CMKLR1: variants seen among roughly 807,000 people sequenced by gnomAD.
The protein encoded by CMKLR1 is chemerin-like receptor 1.
CMKLR1 carries 6 observed loss-of-function variants against 8.2 expected under a neutral mutation model. The observed-to-expected ratio is 0.73, with a 90% CI of 0.40 to 1.44. The LOEUF is 1.44. Among genes scored for constraint, CMKLR1 ranks in the 40% most tolerant of loss-of-function variants. The pLI, the probability that CMKLR1 is intolerant of heterozygous loss-of-function variation, is 0.02. For missense variants in CMKLR1, 429 were observed against 478.0 expected (o/e 0.90, Z 0.96); for synonymous variants, 178 against 181.2 (o/e 0.98, Z 0.14).
At chr12:108,327,985 A>G (rs1369138096) in intron 2 of CMKLR1, among the ~76,000 whole-genome samples, 5 of 152,182 alleles carry the variant, frequency 3.3e-5, no homozygotes, top group Admixed American at 3.3e-4. Flanking sequence ...TGGGGAAGGG[A>G]GGGTATCTCC....
intron 2 of CMKLR1, among the ~76,000 whole-genome samples, chr12:108,297,328 T>C (rs1044972901): frequency 4.6e-5 from 7 of 152,224 alleles, no homozygotes; most frequent in Non-Finnish European, 1.0e-4. Flanking sequence ...CAGAATATAA[T>C]ACATATAACA....
rs377656516 is a variant in CMKLR1 at position 108,291,881 on chromosome 12, T to A, written c.1082A>T (p.Glu361Val). ...CTCCCTCTCATTCATAGAAGTCCTC[T>A]CATTCATTGATGACATCTTGGTAAA... ...RSFTKMSSMNERTSMNERETG... is the reference protein window; with the variant it reads ...RSFTKMSSMNVRTSMNERETG... Residue 361 changes from glutamate to valine, a missense_variant, in exon 4 of 4, where the codon GAG becomes GTG. Physicochemically the swap from Glu to Val is moderately radical, Grantham distance 121. Transcript: ENST00000550402. 2.0e-5 allele frequency: 32 copies of A among 1,613,978 alleles called. No individual in the cohort carries two copies. Among genetic ancestry groups the A allele is most frequent in the Non-Finnish European group, 2.4e-5 (28 of 1,179,978 alleles).
At chr12:108,330,514 G>A (rs1451612198) in intron 1 of CMKLR1, among the ~76,000 whole-genome samples, 1 of 152,234 alleles carries the variant, frequency 6.6e-6, no homozygotes, top group African/African-American at 2.4e-5. Context: ...AGCACATGGT[G>A]AGGGGTGTGG....
chr12:108,308,692 C>G (rs892413194), intron 2 of CMKLR1, among the ~76,000 whole-genome samples: 1 of 152,220 alleles, frequency 6.6e-6, no homozygotes. Flanking sequence ...TCCAGACAGG[C>G]TGACTCAAAT....
chr12:108,307,369 C>G (rs117441009), intron 2 of CMKLR1, among the ~76,000 whole-genome samples: 17,752 of 152,156 alleles, frequency 0.12, 1,197 homozygotes, highest in South Asian at 0.15. Context: ...TCCAGAAGCG[C>G]CCCCTGAGAA....
At chr12:108,301,028 G>A (rs1764745923) in intron 2 of CMKLR1, among the ~76,000 whole-genome samples, 1 of 146,938 alleles carries the variant, frequency 6.8e-6, no homozygotes, top group South Asian at 2.2e-4. Flanking sequence ...TGCTATTGTT[G>A]TTGTCAGTGG....
At chr12:108,326,128 C>G (rs893827901) in intron 2 of CMKLR1, among the ~76,000 whole-genome samples, 2 of 152,146 alleles carry the variant, frequency 1.3e-5, no homozygotes, top group Non-Finnish European at 2.9e-5. Context: ...GCCATTCTGT[C>G]TACAAGAAAA....
chr12:108,311,454 G>GA (rs1263511331), intron 2 of CMKLR1, among the ~76,000 whole-genome samples: 1 of 152,072 alleles, frequency 6.6e-6, no homozygotes, highest in African/African-American at 2.4e-5. Flanking sequence ...GCCTCTAGGG[G>GA]AAAAAATTTT....
At position 108,292,096 on chromosome 12, in the gene CMKLR1, C is replaced by A. The variant is rs116531815; in HGVS notation, c.867G>T (p.Met289Ile). The A allele has an allele frequency of 1.4e-3, 2,292 of 1,614,172 alleles. 31 individuals carry two copies. In the African/African-American group the frequency reaches 0.028, roughly 20 times the overall value. ...AACCCAGGCTGAAGACAGAGCCAGG[C>A]ATGGCAGTGTGGTGGAGCTCTAGGA... ...LNLLELHHTA[M>I]PGSVFSLGLP... The change falls in exon 4 of 4, where the codon ATG (methionine) becomes ATT (isoleucine). Residue 289 changes from methionine to isoleucine, a missense_variant. Met to Ile is a conservative substitution (Grantham distance 10, BLOSUM62 1). Coordinates refer to ENST00000550402, the MANE Select transcript of CMKLR1 (RefSeq NM_001142343.2).
chr12:108,314,891 C>T (rs933063277), intron 2 of CMKLR1, among the ~76,000 whole-genome samples: 1 of 150,990 alleles, frequency 6.6e-6, no homozygotes, highest in Non-Finnish European at 1.5e-5. Flanking sequence ...ATGCCCAGCC[C>T]GAGGGACATC....
In CMKLR1 at chr12:108,337,546, G is replaced by A. The variant is rs78747581; in HGVS notation, c.-287+1481C>T. On this transcript the variant is annotated intron_variant, in intron 1 of 3. Transcript: ENST00000550402. Reference sequence around the variant, plus strand: ...ACAAGATGACTGGTCATTAGAACACGGTGTGGTAGGAGCCGTGATAAGGGA... The same window carrying A: ...ACAAGATGACTGGTCATTAGAACACAGTGTGGTAGGAGCCGTGATAAGGGA... Among the ~76,000 whole-genome samples, 431 of 152,280 alleles carry A rather than the reference G, an allele frequency of 2.8e-3. 3 individuals carry two copies. The highest frequency in any genetic ancestry group is 9.8e-3 in the African/African-American group (409 of 41,564).
chr12:108,302,860 T>G (rs4964242), intron 2 of CMKLR1, among the ~76,000 whole-genome samples: 50,915 of 151,966 alleles, frequency 0.34, 9,069 homozygotes, highest in African/African-American at 0.46. Flanking sequence ...ATAGGGCTAC[T>G]GGGAAATGAG....
rs1891049030 is a variant in CMKLR1 at position 108,293,492 on chromosome 12, A to G, written c.3+97T>C. 3.7e-6 allele frequency: 5 copies of G among 1,359,362 alleles called. No individual in the cohort carries two copies. The South Asian group carries it at 6.3e-5, about 17-fold the overall frequency. 84.2% of individuals were successfully genotyped at this position (1,359,362 alleles called of 1,614,324 possible). On this transcript the variant is annotated intron_variant, in intron 3 of 3. Coordinates refer to ENST00000550402, the MANE Select transcript of CMKLR1 (RefSeq NM_001142343.2). ...GTGAACTTGATTCCAACATGCTTCT[A>G]AAACCAAGTGGACAGCCTTGTTGTG...
At chr12:108,310,876 G>A (rs1457878902) in intron 2 of CMKLR1, among the ~76,000 whole-genome samples, 2 of 152,144 alleles carry the variant, frequency 1.3e-5, no homozygotes, top group Non-Finnish European at 2.9e-5. Context: ...GTGCTGAGGG[G>A]CAGCCAGAAC....
Position 108,293,629 on chromosome 12 carries a change from C to T in CMKLR1, c.-38G>A. 1 of 1,547,838 alleles carries T rather than the reference C, an allele frequency of 6.5e-7. No homozygotes were observed. Among genetic ancestry groups the T allele is most frequent in the Non-Finnish European group, 8.7e-7 (1 of 1,145,398 alleles). ...TGTCTGCAGCTCTCCAATGTGAGTC[C>T]TCAGCCAATCAGTCCCTGTACACAG... On this transcript the variant is annotated 5_prime_UTR_variant, in exon 3 of 4. Coordinates refer to ENST00000550402, the MANE Select transcript of CMKLR1 (RefSeq NM_001142343.2).
rs1391389414 is a variant in CMKLR1 at position 108,289,402 on chromosome 12, GA to G, written c.*2438del. 7 of 152,332 alleles carry G rather than the reference GA, an allele frequency of 4.6e-5. No individual in the cohort carries two copies. Among genetic ancestry groups the G allele is most frequent in the Non-Finnish European group, 8.8e-5 (6 of 68,118 alleles). 9.4% of individuals were successfully genotyped at this position (152,332 alleles called of 1,614,324 possible). On this transcript the variant is annotated 3_prime_UTR_variant, in exon 4 of 4. Transcript: ENST00000550402. ...AAGGCTGCATTTAAGTACTTGACAGGAACCTAAGTCAGAACAGGAAGACCCA... is the reference window on the plus strand; with the variant it reads ...AAGGCTGCATTTAAGTACTTGACAGGACCTAAGTCAGAACAGGAAGACCCA...
At chr12:108,336,102 C>T (rs1188831851) in intron 1 of CMKLR1, among the ~76,000 whole-genome samples, 3 of 152,116 alleles carry the variant, frequency 2.0e-5, no homozygotes, top group African/African-American at 7.2e-5. Flanking sequence ...CCAGTGTGAA[C>T]AAAGGGCAAA....
chr12:108,311,153 C>T lies in CMKLR1; in HGVS notation c.-73-17489G>A, dbSNP rs572361354. 2.1e-3 allele frequency among the ~76,000 whole-genome samples: 313 copies of T among 152,266 alleles called. 2 individuals are homozygous for T. Among genetic ancestry groups the T allele is most frequent in the African/African-American group, 7.2e-3 (301 of 41,542 alleles). Reference sequence around the variant, plus strand: ...TGAACTGAAGTCAATGTCGTGATGACGATGGAGAAGCAGAGGCCCACACAC... The same window carrying T: ...TGAACTGAAGTCAATGTCGTGATGATGATGGAGAAGCAGAGGCCCACACAC... On this transcript the variant is annotated intron_variant, in intron 2 of 3. Coordinates refer to ENST00000550402, the MANE Select transcript of CMKLR1 (RefSeq NM_001142343.2).
At chr12:108,310,086 G>A (rs564224020) in intron 2 of CMKLR1, among the ~76,000 whole-genome samples, 1 of 152,100 alleles carries the variant, frequency 6.6e-6, no homozygotes, top group African/African-American at 2.4e-5. Context: ...AGGGTATGAA[G>A]CCTTTGCCAG....
Sources: gnomAD v4.1 joint callset for allele counts (sites outside exome capture counted in the v4.1 genomes callset) on GRCh38, gnomAD v4.1.1 for gene constraint, MANE v1.5 for transcripts, NCBI Gene and HGNC (gene_info 2026-07-23, HGNC 2026-07-21) for gene names.